STK11IP: variants seen among roughly 807,000 people sequenced by gnomAD.
STK11IP encodes serine/threonine-protein kinase 11-interacting protein.
Under a neutral mutation model 131.7 loss-of-function variants are expected in STK11IP, and 103 were observed. The observed-to-expected ratio is 0.78, with a 90% CI of 0.67 to 0.92. STK11IP has a LOEUF of 0.92. Ranked by LOEUF, STK11IP falls within the 40% of genes least tolerant of loss-of-function variation. The pLI is 0.00. For missense variants in STK11IP, 1,315 were observed against 1,385.7 expected, an observed-to-expected ratio of 0.95 and a Z score of 0.81; for synonymous variants, 557 against 575.6, an observed-to-expected ratio of 0.97 and a Z score of 0.46.
At chr2:219,611,445 G>A (rs1052323440) in intron 17 of STK11IP, among the ~76,000 whole-genome samples, 159 bp from the exon 18 acceptor site, 13 of 152,248 alleles carry the variant, frequency 8.5e-5, no homozygotes, top group Admixed American at 2.6e-4. Context: ...CAGCTGTGCC[G>A]GGAGAGGGAG....
chr2:219,606,522 G>C lies in STK11IP; in HGVS notation c.987+5G>C. 1 of 1,612,876 alleles carries C rather than the reference G, an allele frequency of 6.2e-7. No individual in the cohort carries two copies. Among genetic ancestry groups the C allele is most frequent in the South Asian group, 1.1e-5 (1 of 90,874 alleles). On this transcript the variant is annotated splice_donor_5th_base_variant and intron_variant, in intron 11 of 24. Transcript: ENST00000456909. Reference sequence around the variant, plus strand: ...TTGTCACTGACAGATTTTCAGGTCGGTGTGGTTGGGGGGCGAGGACTGTTG... The same window carrying C: ...TTGTCACTGACAGATTTTCAGGTCGCTGTGGTTGGGGGGCGAGGACTGTTG...
chr2:219,601,191 T>C (rs764845410), intron 2 of STK11IP, 44 bp from the exon 3 acceptor site: 2 of 1,530,458 alleles, frequency 1.3e-6, no homozygotes, highest in South Asian at 2.4e-5. Flanking sequence ...AAGAGAAAAA[T>C]CTTTTCACTG....
At chr2:219,599,764 C>T (rs926103549) in intron 2 of STK11IP, among the ~76,000 whole-genome samples, 4 of 149,510 alleles carry the variant, frequency 2.7e-5, no homozygotes, top group Non-Finnish European at 3.0e-5. Flanking sequence ...GATGGAGTCT[C>T]GCTCTGTCAC....
At position 219,604,933 on chromosome 2, in the gene STK11IP, G is replaced by A. The variant is rs554335170; in HGVS notation, c.619-675G>A. Among the ~76,000 whole-genome samples, 77 of 152,140 alleles carry A rather than the reference G, an allele frequency of 5.1e-4. 3 individuals are homozygous for A. In the South Asian group the frequency reaches 0.016, roughly 32 times the overall value. ...TAACCTCTGCCTCCCGGGTTCAAGC[G>A]ATTCTCCTGCCTCAGCCTCCCAAGT... On this transcript the variant is annotated intron_variant, in intron 7 of 24. Transcript: ENST00000456909.
In STK11IP at chr2:219,612,032, C is replaced by T; in HGVS notation, c.2413C>T (p.Gln805Ter). ...FLDVEVFSDAQEEFQCCLKVP... is the reference protein window; with the variant it reads ...FLDVEVFSDA ...GGATGTTGAGGTGTTCAGCGATGCC[C>T]AGGAGGAGTTCCAGTGCTGCCTCAA... The change falls in exon 19 of 25, where the codon CAG (glutamine) becomes TAG (stop). Residue 805 changes from glutamine (Q) to a stop codon, truncating the protein, a stop_gained. Transcript: ENST00000456909. LOFTEE classifies it high-confidence loss of function. 2 of 1,604,568 alleles carry T rather than the reference C, an allele frequency of 1.2e-6. No individual in the cohort carries two copies. The highest frequency in any genetic ancestry group is 2.2e-5 in the South Asian group (2 of 88,970).
chr2:219,599,562 T>A (rs1328347045), intron 2 of STK11IP, among the ~76,000 whole-genome samples: 1 of 152,182 alleles, frequency 6.6e-6, no homozygotes, highest in East Asian at 1.9e-4. Flanking sequence ...TTGTAGGACT[T>A]GTTAATTTAT....
chr2:219,606,151 C>T (rs1698147469), intron 9 of STK11IP, 44 bp from the exon 10 acceptor site: 3 of 1,539,622 alleles, frequency 1.9e-6, no homozygotes, highest in Non-Finnish European at 2.6e-6. Flanking sequence ...ACAGGGAGGG[C>T]CAGGGCCCCA....
At chr2:219,598,215 C>T (rs1697861392) in intron 2 of STK11IP, 35 bp downstream of exon 2, 1 of 1,483,244 alleles carries the variant, frequency 6.7e-7, no homozygotes, top group Non-Finnish European at 9.1e-7. Context: ...GGCCTCGGAC[C>T]TCGGACGAGG....
chr2:219,608,517 T>C, intron 14 of STK11IP, 66 bp from the exon 15 acceptor site: 1 of 1,537,874 alleles, frequency 6.5e-7, no homozygotes, highest in South Asian at 1.3e-5. Flanking sequence ...GGAGGGCCAG[T>C]TCGGGGGAGG....
rs1244541124 is a variant in STK11IP, at chr2:219,598,096, T to A, written c.-24T>A. ...CCGCTTCCTCTTTCCCCCCCCAGGC[T>A]CCGCCCCCCAGCGTCCCGTGGCCAT... On this transcript the variant is annotated splice_region_variant and 5_prime_UTR_variant, in exon 2 of 25. Coordinates refer to ENST00000456909, the MANE Select transcript of STK11IP (RefSeq NM_052902.4). The A allele has an allele frequency of 6.3e-7, 1 of 1,580,846 alleles. No individual in the cohort carries two copies. The highest frequency in any genetic ancestry group is 8.6e-7 in the Non-Finnish European group (1 of 1,164,314).
chr2:219,605,702 T>C lies in STK11IP; in HGVS notation c.713T>C (p.Ile238Thr). ...GPSGAALGVL[I>T]LRGNELRSLH... ...TCAGGGGCTGCTCTGGGGGTCCTGA[T>C]ACTGCGAGGCAATGAGCTTCGGAGC... The change falls in exon 8 of 25, where the codon ATA (isoleucine) becomes ACA (threonine). Residue 238 changes from isoleucine (I) to threonine (T), a missense_variant. Coordinates refer to ENST00000456909, the MANE Select transcript of STK11IP (RefSeq NM_052902.4). The C allele has an allele frequency of 6.3e-7, 1 of 1,587,242 alleles. No homozygotes were observed. The highest frequency in any genetic ancestry group is 1.1e-5 in the South Asian group (1 of 86,962).
chr2:219,604,885 A>G (rs960495108), intron 7 of STK11IP, among the ~76,000 whole-genome samples: 15 of 151,824 alleles, frequency 9.9e-5, no homozygotes, highest in Non-Finnish European at 1.9e-4. Context: ...GCTGGAGTGC[A>G]ATGGCACGAT....
At position 219,606,757 on chromosome 2, in the gene STK11IP, T is replaced by G; in HGVS notation, c.1033T>G (p.Trp345Gly). 1 of 1,613,688 alleles carries G rather than the reference T, an allele frequency of 6.2e-7. No homozygotes were observed. The highest frequency in any genetic ancestry group is 2.2e-5 in the East Asian group (1 of 44,872). ...CAGCCCCATGGGCCCACCTTTGCCC[T>G]GGCCAGTGGGGAGTACTCCTGAAAC... ...GLSPMGPPLP[W>G]PVGSTPETSG... The change falls in exon 12 of 25, where the codon TGG (tryptophan) becomes GGG (glycine). Residue 345 changes from tryptophan to glycine, a missense_variant. Trp to Gly is a radical substitution (Grantham distance 184). Coordinates refer to ENST00000456909, the MANE Select transcript of STK11IP (RefSeq NM_052902.4).
chr2:219,603,448 C>A (rs560108603), intron 7 of STK11IP, among the ~76,000 whole-genome samples: 3 of 152,136 alleles, frequency 2.0e-5, no homozygotes, highest in African/African-American at 7.2e-5. Context: ...TGATGAAGAA[C>A]CTTTCTTCTG....
chr2:219,610,620 T>G (rs1312419223), intron 17 of STK11IP, among the ~76,000 whole-genome samples: 1 of 152,174 alleles, frequency 6.6e-6, no homozygotes, highest in Non-Finnish European at 1.5e-5. Context: ...GCCAGGATGG[T>G]CTGTCTCCTG....
chr2:219,598,149 G>A lies in STK11IP; in HGVS notation c.30G>A (p.Leu10=), dbSNP rs1241394668. 5 of 1,581,930 alleles carry A rather than the reference G, an allele frequency of 3.2e-6. No homozygotes were observed. Among genetic ancestry groups the A allele is most frequent in the African/African-American group, 1.4e-5 (1 of 73,792 alleles). The change falls in exon 2 of 25, where the codon TTG becomes TTA. Residue 10 remains leucine, a synonymous_variant. Coordinates refer to ENST00000456909, the MANE Select transcript of STK11IP (RefSeq NM_052902.4). ...CGACCGCTCAGAGGGACTCCCTGTT[G>A]TGGAAGCTCGCGGGGTTGCTGCGGG... is the stretch of plus-strand genomic sequence containing the variant. MTTAQRDSL[L]WKLAGLLRES...
chr2:219,601,317 C>G lies in STK11IP; in HGVS notation c.144C>G (p.His48Gln), dbSNP rs75826247. 1 of 1,614,082 alleles carries G rather than the reference C, an allele frequency of 6.2e-7. No individual in the cohort carries two copies. Among genetic ancestry groups the G allele is most frequent in the Admixed American group, 1.7e-5 (1 of 60,030 alleles). The change falls in exon 3 of 25, where the codon CAC (histidine) becomes CAG (glutamine). Residue 48 changes from histidine (H) to glutamine (Q), a missense_variant. His to Gln is a conservative substitution (Grantham distance 24). Transcript: ENST00000456909. The part of the protein sequence containing the change: ...LQQLNHVFEL[H>Q]LGPWGPGQTG... ...AGCTGAACCACGTATTTGAGCTGCA[C>G]CTGGGGCCATGGGGCCCTGGCCAGA...
chr2:219,613,237 G>T lies in STK11IP; in HGVS notation c.2537+12G>T. 6.4e-7 allele frequency: 1 copy of T among 1,572,706 alleles called. No individual in the cohort carries two copies. The highest frequency in any genetic ancestry group is 1.1e-5 in the South Asian group (1 of 90,096). Reference sequence around the variant, plus strand: ...ACTGGGGAGATGCGGTGAGTGAGAGGGGAGATGCAGTGAGTAAGGGGGGAG... The same window carrying T: ...ACTGGGGAGATGCGGTGAGTGAGAGTGGAGATGCAGTGAGTAAGGGGGGAG... On this transcript the variant is annotated intron_variant, in intron 20 of 24. Transcript: ENST00000456909.
intron 4 of STK11IP, 25 bp downstream of exon 4, chr2:219,601,740 G>T: frequency 1.3e-6 from 2 of 1,583,304 alleles, no homozygotes; most frequent in South Asian, 2.3e-5. Context: ...GGGGATGTTG[G>T]TGCACAGCAC....
Sources: gnomAD v4.1 joint callset for allele counts (sites outside exome capture counted in the v4.1 genomes callset) on GRCh38, gnomAD v4.1.1 for gene constraint, MANE v1.5 for transcripts, NCBI Gene and HGNC (gene_info 2026-07-23, HGNC 2026-07-21) for gene names.